SNTG1: variants seen among roughly 807,000 people sequenced by gnomAD.
SNTG1 encodes the protein gamma-1-syntrophin.
Under a neutral mutation model 74.7 loss-of-function variants are expected in SNTG1, and 39 were observed. The observed-to-expected ratio is 0.52, with a 90% confidence interval of 0.40 to 0.68. The LOEUF (loss-of-function observed/expected upper bound fraction) is 0.68, where lower values mean the gene tolerates loss of function less well. Among genes scored for constraint, SNTG1 ranks in the 30% least tolerant of loss-of-function variants. The pLI is 0.00. For missense variants in SNTG1, 685 were observed against 609.5 expected, an observed-to-expected ratio of 1.12 and a Z score of -1.30; for synonymous variants, 254 against 217.1, an observed-to-expected ratio of 1.17 and a Z score of -1.49.
At chr8:50,248,634 T>C (rs2086504613) in intron 2 of SNTG1, among the ~76,000 whole-genome samples, 1 of 152,130 alleles carries the variant, frequency 6.6e-6, no homozygotes, top group Non-Finnish European at 1.5e-5. Context: ...TTGAAATGAG[T>C]AACTCTATCT....
chr8:50,361,244 C>T (rs186351077), intron 2 of SNTG1, among the ~76,000 whole-genome samples: 164 of 152,328 alleles, frequency 1.1e-3, no homozygotes, highest in Middle Eastern at 6.8e-3. Context: ...TCCACCTCCT[C>T]TTGTCCCACT....
At chr8:50,237,605 T>C (rs1230927068) in intron 2 of SNTG1, among the ~76,000 whole-genome samples, 1 of 152,180 alleles carries the variant, frequency 6.6e-6, no homozygotes, top group African/African-American at 2.4e-5. Context: ...ATAATGATTT[T>C]TTTCCTGAAC....
At chr8:50,100,924 A>G (rs181547791) in intron 1 of SNTG1, among the ~76,000 whole-genome samples, 151 of 151,840 alleles carry the variant, frequency 9.9e-4, no homozygotes, top group Non-Finnish European at 1.9e-3. Context: ...TTTCATCCTC[A>G]CCCTCCTCCC....
chr8:49,935,735 A>G (rs1281228252), intron 1 of SNTG1, among the ~76,000 whole-genome samples: 1 of 152,158 alleles, frequency 6.6e-6, no homozygotes, highest in African/African-American at 2.4e-5. Flanking sequence ...GCTCTGGCCC[A>G]GTGTTGGAAG....
intron 1 of SNTG1, chr8:50,164,092 C>CTTTTTTTTTTTTTTTTTTTTTTTT (rs3086088): frequency 8.3e-5 from 6 of 71,984 alleles, no homozygotes; most frequent in Non-Finnish European, 1.4e-4. Context: ...GACACAATTT[C>CTTTTTTTTTTTTTTTTTTTTTTTT]TTTTTTTTTT....
At position 50,069,583 on chromosome 8, in the gene SNTG1, ATTTTTTTTTTTTTTTTTTTTTTTTT is replaced by A. The variant is rs71235778; in HGVS notation, c.-102-102963_-102-102939del. Among the ~76,000 whole-genome samples the A allele has an allele frequency of 6.8e-3, 459 of 67,096 alleles. 3 individuals are homozygous for A. The highest frequency in any genetic ancestry group is 0.028 in the African/African-American group (403 of 14,644). The allele number at this position is 67,096 out of a possible 152,430, so 44.0% of individuals were successfully genotyped here. A position where few individuals can be genotyped will look rare whatever the true frequency, so the allele number is the denominator to read the frequency against. Reference sequence around the variant, plus strand: ...TCTCTGGGCAGTGAGATTGGGAGGAATTTTTTTTTTTTTTTTTTTTTTTTTTTTTTTTTTTTTTTGCTTTCTCTCC... The same window carrying A: ...TCTCTGGGCAGTGAGATTGGGAGGAATTTTTTTTTTTTTTGCTTTCTCTCC... On this transcript the variant is annotated intron_variant, in intron 1 of 18. Coordinates refer to ENST00000642720, the MANE Select transcript of SNTG1 (RefSeq NM_018967.5).
At position 50,562,123 on chromosome 8, in the gene SNTG1, A is replaced by C. The variant is rs1302405736; in HGVS notation, c.810+8944A>C. 2.6e-5 allele frequency among the ~76,000 whole-genome samples: 4 copies of C among 152,244 alleles called. No individual in the cohort carries two copies. In the East Asian group the frequency reaches 7.7e-4, roughly 29 times the overall value. On this transcript the variant is annotated intron_variant, in intron 12 of 18. Coordinates refer to ENST00000642720, the MANE Select transcript of SNTG1 (RefSeq NM_018967.5). Reference sequence around the variant, plus strand: ...AATGTTATTTTGTCAATAATTCAAAACTGACATTTTATCTTGGTTTCATCT... The same window carrying C: ...AATGTTATTTTGTCAATAATTCAAACCTGACATTTTATCTTGGTTTCATCT...
At chr8:50,162,296 C>T (rs142652351) in intron 1 of SNTG1, among the ~76,000 whole-genome samples, 2,238 of 152,240 alleles carry the variant, frequency 0.015, 51 homozygotes, top group African/African-American at 0.051. Context: ...TGCGCGGTGG[C>T]TCATGCCTGT....
chr8:50,117,660 G>A (rs967604895), intron 1 of SNTG1, among the ~76,000 whole-genome samples: 2 of 152,060 alleles, frequency 1.3e-5, no homozygotes, highest in Non-Finnish European at 2.9e-5. Flanking sequence ...TTTAATCACA[G>A]AATTAGCTCT....
At chr8:50,292,142 A>G (rs1214758982) in intron 2 of SNTG1, among the ~76,000 whole-genome samples, 1 of 152,186 alleles carries the variant, frequency 6.6e-6, no homozygotes, top group African/African-American at 2.4e-5. Context: ...TAGAGACAGC[A>G]TTTAAAACCA....
intron 1 of SNTG1, among the ~76,000 whole-genome samples, chr8:50,160,810 T>C (rs1219458324): frequency 1.3e-5 from 2 of 152,172 alleles, no homozygotes; most frequent in African/African-American, 4.8e-5. Context: ...GCTGTAGTAC[T>C]TTTTTGGGAG....
chr8:50,031,646 G>A (rs181113253), intron 1 of SNTG1, among the ~76,000 whole-genome samples: 1 of 152,154 alleles, frequency 6.6e-6, no homozygotes, highest in Non-Finnish European at 1.5e-5. Context: ...GTTTTCAAAT[G>A]TTAAACTAGA....
intron 1 of SNTG1, among the ~76,000 whole-genome samples, chr8:50,078,228 T>A (rs1179123980): frequency 6.6e-6 from 1 of 152,216 alleles, no homozygotes; most frequent in Non-Finnish European, 1.5e-5. Context: ...CACCTTTTCT[T>A]TTCATTTCAA....
At chr8:50,533,864 C>A (rs1432464461) in intron 10 of SNTG1, among the ~76,000 whole-genome samples, 2 of 152,192 alleles carry the variant, frequency 1.3e-5, no homozygotes, top group African/African-American at 4.8e-5. Flanking sequence ...ACTTGCCAAT[C>A]TATGAAGTGT....
At chr8:49,935,886 T>C (rs561492382) in intron 1 of SNTG1, among the ~76,000 whole-genome samples, 2 of 152,248 alleles carry the variant, frequency 1.3e-5, no homozygotes, top group South Asian at 4.1e-4. Context: ...GACTATGAGG[T>C]ATAACTGTGC....
chr8:50,035,074 T>A (rs1209011427), intron 1 of SNTG1, among the ~76,000 whole-genome samples: 1 of 152,202 alleles, frequency 6.6e-6, no homozygotes. Flanking sequence ...TCTTTCCTAC[T>A]TAGCTAATGT....
chr8:50,077,066 T>C (rs1821959391), intron 1 of SNTG1, among the ~76,000 whole-genome samples: 1 of 152,206 alleles, frequency 6.6e-6, no homozygotes, highest in Non-Finnish European at 1.5e-5. Flanking sequence ...CTTAACGTTC[T>C]ATATTTACTC....
chr8:50,099,826 A>G (rs1174418092), intron 1 of SNTG1, among the ~76,000 whole-genome samples: 1 of 152,012 alleles, frequency 6.6e-6, no homozygotes, highest in East Asian at 1.9e-4. Flanking sequence ...TTTTTAATTG[A>G]ATTATTTGCA....
intron 12 of SNTG1, among the ~76,000 whole-genome samples, chr8:50,577,107 C>T (rs189966703): frequency 1.6e-4 from 25 of 152,140 alleles, no homozygotes; most frequent in Non-Finnish European, 2.9e-4. Flanking sequence ...TATTCCCTGG[C>T]GGTTTTTATG....
Sources: gnomAD v4.1 joint callset for allele counts (sites outside exome capture counted in the v4.1 genomes callset) on GRCh38, gnomAD v4.1.1 for gene constraint, MANE v1.5 for transcripts, NCBI Gene and HGNC (gene_info 2026-07-23, HGNC 2026-07-21) for gene names.